The following HPCAL1 variants were observed in gnomAD, a reference collection of about 807,000 sequenced individuals.
The protein encoded by HPCAL1 is hippocalcin-like protein 1.
HPCAL1 carries 8 observed loss-of-function variants against 17.1 expected under a neutral mutation model. That is an observed-to-expected ratio of 0.47 (90% confidence interval 0.27 to 0.84). The LOEUF (loss-of-function observed/expected upper bound fraction) is 0.84, where lower values mean the gene tolerates loss of function less well. Ranked by LOEUF, HPCAL1 falls within the 40% of genes least tolerant of loss-of-function variation. The pLI is 0.13. For synonymous variants in HPCAL1, 112 were observed against 111.4 expected (o/e 1.01, Z -0.03); for missense variants, 165 against 271.1 (o/e 0.61, Z 2.75).
In HPCAL1 at chr2:10,323,837, C is replaced by G. The variant is rs556571992; in HGVS notation, c.-111+20660C>G. On this transcript the variant is annotated intron_variant, in intron 1 of 4. Coordinates refer to ENST00000307845, the MANE Select transcript of HPCAL1 (RefSeq NM_002149.4). The surrounding 1 kb of genome is among the most constrained non-coding windows in gnomAD (Gnocchi z 4.6). ...ACAACAACAAAAATCTGCGTCTTGT[C>G]GGAACTTCCATATACACTTCCACTG... Among the ~76,000 whole-genome samples, 1 of 152,200 alleles carries G rather than the reference C, an allele frequency of 6.6e-6. No individual in the cohort carries two copies. The highest frequency in any genetic ancestry group is 6.5e-5 in the Admixed American group (1 of 15,284).
At chr2:10,397,146 G>A (rs192748283) in intron 2 of HPCAL1, among the ~76,000 whole-genome samples, 1 of 148,742 alleles carries the variant, frequency 6.7e-6, no homozygotes, top group Admixed American at 6.7e-5. Context: ...AGGCCCCACA[G>A]CCATCTCAGC....
Position 10,395,390 on chromosome 2 carries a change from G to C in HPCAL1, c.-110-1445G>C, listed in dbSNP as rs745910538. 6.6e-6 allele frequency among the ~76,000 whole-genome samples: 1 copy of C among 151,988 alleles called. No individual in the cohort carries two copies. Among genetic ancestry groups the C allele is most frequent in the Non-Finnish European group, 1.5e-5 (1 of 68,008 alleles). ...GTCAAACATTATTTGTTGAGCACCT[G>C]CTGTGTCCAGGCTCTGGACGCATAG... On this transcript the variant is annotated intron_variant, in intron 1 of 4. Transcript: ENST00000307845. The surrounding 1 kb of genome is among the most constrained non-coding windows in gnomAD (Gnocchi z 4.4).
intron 1 of HPCAL1, among the ~76,000 whole-genome samples, chr2:10,306,948 A>T (rs904500050): frequency 2.0e-5 from 3 of 152,164 alleles, no homozygotes; most frequent in Non-Finnish European, 4.4e-5. Flanking sequence ...AGGAAAGATG[A>T]CTTCTTGGGG....
At chr2:10,348,841 G>A (rs747523991) in intron 1 of HPCAL1, among the ~76,000 whole-genome samples, 27 of 152,150 alleles carry the variant, frequency 1.8e-4, no homozygotes, top group Non-Finnish European at 3.1e-4. Context: ...TGTCTGGTAT[G>A]ATGTTCGTTG....
chr2:10,388,506 T>C (rs1668474124), intron 1 of HPCAL1, among the ~76,000 whole-genome samples: 1 of 152,212 alleles, frequency 6.6e-6, no homozygotes, highest in Admixed American at 6.5e-5. Flanking sequence ...CGAGGTGACC[T>C]GTCCCCACCC....
chr2:10,421,776 G>C (rs1048811049), intron 3 of HPCAL1, among the ~76,000 whole-genome samples: 7 of 152,264 alleles, frequency 4.6e-5, no homozygotes, highest in Middle Eastern at 3.4e-3. Context: ...GAACTTCAGG[G>C]GTGGGCCTCC....
chr2:10,399,235 C>T (rs866207871), intron 2 of HPCAL1, among the ~76,000 whole-genome samples: 35 of 81,944 alleles, frequency 4.3e-4, no homozygotes, highest in Admixed American at 4.6e-4. Flanking sequence ...ACCACCACCA[C>T]CACCATCACC....
intron 1 of HPCAL1, among the ~76,000 whole-genome samples, chr2:10,364,477 G>A (rs1177507225): frequency 6.6e-6 from 1 of 152,238 alleles, no homozygotes; most frequent in Non-Finnish European, 1.5e-5. Flanking sequence ...TGGGGCACGA[G>A]GAGGCCGATC....
At chr2:10,311,039 G>A (rs16856098) in intron 1 of HPCAL1, among the ~76,000 whole-genome samples, 93,625 of 152,016 alleles carry the variant, frequency 0.62, 29,099 homozygotes, top group East Asian at 0.82. Flanking sequence ...GCAGTTTTCC[G>A]TATTTACTGT....
chr2:10,408,745 A>G (rs115769243), intron 2 of HPCAL1: 6,634 of 152,290 alleles, frequency 0.044, 199 homozygotes, highest in Middle Eastern at 0.12. Context: ...GTAATTATGA[A>G]ATACAAACGC....
chr2:10,308,409 T>A (rs965980593), intron 1 of HPCAL1, among the ~76,000 whole-genome samples: 1 of 152,290 alleles, frequency 6.6e-6, no homozygotes, highest in South Asian at 2.1e-4. Context: ...CCCTCTTTTG[T>A]ACAAACTCCC....
Position 10,415,649 on chromosome 2 carries a change from C to A in HPCAL1, c.-24-4085C>A, listed in dbSNP as rs187971830. Among the ~76,000 whole-genome samples the A allele has an allele frequency of 2.7e-4, 41 of 152,062 alleles. 1 individual carries two copies. The East Asian group carries it at 4.9e-3, about 18-fold the overall frequency. Reference sequence around the variant, plus strand: ...TTCCGCATGGTGAAGGAGCCACATGCGGTTTGGTCGGGTGCCCCAGGCCTC... The same window carrying A: ...TTCCGCATGGTGAAGGAGCCACATGAGGTTTGGTCGGGTGCCCCAGGCCTC... On this transcript the variant is annotated intron_variant, in intron 2 of 4. Coordinates refer to ENST00000307845, the MANE Select transcript of HPCAL1 (RefSeq NM_002149.4).
chr2:10,398,934 C>T (rs1379690399), intron 2 of HPCAL1, among the ~76,000 whole-genome samples: 2 of 152,026 alleles, frequency 1.3e-5, no homozygotes, highest in African/African-American at 4.8e-5. Flanking sequence ...ATTCTCCATC[C>T]ACCAGCCTTA....
intron 1 of HPCAL1, among the ~76,000 whole-genome samples, chr2:10,361,375 T>C (rs1666517860): frequency 6.6e-6 from 1 of 152,060 alleles, no homozygotes; most frequent in African/African-American, 2.4e-5. Flanking sequence ...TTTTAATCAG[T>C]TGCCCTAATT....
intron 1 of HPCAL1, among the ~76,000 whole-genome samples, chr2:10,314,488 C>T (rs763295877): frequency 6.6e-6 from 1 of 152,182 alleles, no homozygotes; most frequent in Non-Finnish European, 1.5e-5. Flanking sequence ...GTGGGATATT[C>T]ACTGTGGGAG....
chr2:10,373,107 G>A (rs1225746646), intron 1 of HPCAL1, among the ~76,000 whole-genome samples: 1 of 152,256 alleles, frequency 6.6e-6, no homozygotes, highest in Non-Finnish European at 1.5e-5. Context: ...CAGCCTGAGA[G>A]CTGCGAGCCG....
rs1220737668 is a variant in HPCAL1, at chr2:10,395,460, G to T, written c.-110-1375G>T. The stretch of plus-strand genomic sequence containing the variant: ...CTGACCTTGTGGCGCTCACAGTCAG[G>T]GGGGTGGGTTGGTGGGTGGGTGGAA... On this transcript the variant is annotated intron_variant, in intron 1 of 4. Coordinates refer to ENST00000307845, the MANE Select transcript of HPCAL1 (RefSeq NM_002149.4). This position sits in a 1 kb window ranked among gnomAD's most constrained non-coding sequence, Gnocchi z 4.4. Among the ~76,000 whole-genome samples, 9 of 152,116 alleles carry T rather than the reference G, an allele frequency of 5.9e-5. No homozygotes were observed.
At position 10,318,421 on chromosome 2, in the gene HPCAL1, G is replaced by A. The variant is rs115034169; in HGVS notation, c.-111+15244G>A. Among the ~76,000 whole-genome samples the A allele has an allele frequency of 6.7e-3, 1,017 of 152,270 alleles. 5 individuals carry two copies. Among genetic ancestry groups the A allele is most frequent in the African/African-American group, 0.023 (969 of 41,528 alleles). On this transcript the variant is annotated intron_variant, in intron 1 of 4. Transcript: ENST00000307845. ...TTCTTTGGGTTTGTGTTCAGCAAGG[G>A]TCTACTGCAGTCCCGGTGCCGGACA... is the stretch of plus-strand genomic sequence containing the variant.
At chr2:10,382,867 C>A (rs1477557323) in intron 1 of HPCAL1, among the ~76,000 whole-genome samples, 6 of 152,228 alleles carry the variant, frequency 3.9e-5, no homozygotes, top group African/African-American at 1.4e-4. Flanking sequence ...CCAGCCACAC[C>A]ACAGGGCACT....
Sources: allele counts gnomAD v4.1 joint callset (sites outside exome capture counted in the v4.1 genomes callset), GRCh38; gene constraint gnomAD v4.1.1; non-coding constraint Gnocchi (gnomAD v3.1); transcripts MANE v1.5; gene names NCBI Gene and HGNC (gene_info 2026-07-23, HGNC 2026-07-21).